MAPK14: variants seen among roughly 807,000 people sequenced by gnomAD.
MAPK14 encodes the protein mitogen-activated protein kinase 14.
A neutral mutation model predicts 49.6 loss-of-function variants in MAPK14; 16 were observed. That is an observed-to-expected ratio of 0.32 (90% CI 0.22 to 0.49). MAPK14 has a LOEUF of 0.49. Ranked by LOEUF, MAPK14 falls within the 20% of genes least tolerant of loss-of-function variation. The pLI is 0.99. For missense variants in MAPK14, 200 were observed against 441.2 expected (o/e 0.45, Z 4.90); for synonymous variants, 142 against 158.0 (o/e 0.90, Z 0.76).
Position 36,110,850 on chromosome 6 carries a change from C to T in MAPK14, c.*2403C>T, listed in dbSNP as rs141621815. On this transcript the variant is annotated 3_prime_UTR_variant, in exon 12 of 12. Coordinates refer to ENST00000229794, the MANE Select transcript of MAPK14 (RefSeq NM_139012.3). Reference sequence around the variant, plus strand: ...CAATATCCTTTAAACTGTGACCTGGCATACTTGTCTGACAGATCTTAATAC... The same window carrying T: ...CAATATCCTTTAAACTGTGACCTGGTATACTTGTCTGACAGATCTTAATAC... 1 of 152,212 alleles carries T rather than the reference C, an allele frequency of 6.6e-6. No individual in the cohort carries two copies. Among genetic ancestry groups the T allele is most frequent in the African/African-American group, 2.4e-5 (1 of 41,440 alleles). The allele number at this position is 152,212 out of a possible 1,614,324, so 9.4% of individuals were successfully genotyped here. A position where few individuals can be genotyped will look rare whatever the true frequency, so the allele number is the denominator to read the frequency against.
chr6:36,091,152 G>C (rs1765211905), intron 8 of MAPK14, among the ~76,000 whole-genome samples: 1 of 152,108 alleles, frequency 6.6e-6, no homozygotes, highest in Non-Finnish European at 1.5e-5. Flanking sequence ...TTTCTGGCCT[G>C]TGGAGGTTTT....
At chr6:36,034,897 C>CTTTTTTTTTTTT (rs200316205) in intron 1 of MAPK14, among the ~76,000 whole-genome samples, 1 of 121,040 alleles carries the variant, frequency 8.3e-6, no homozygotes, top group African/African-American at 3.2e-5. Flanking sequence ...TTCTTTCTTT[C>CTTTTTTTTTTTT]TTTTTTTTTT....
At chr6:36,094,699 T>TACC (rs1562147341) in intron 8 of MAPK14, among the ~76,000 whole-genome samples, 2 of 152,236 alleles carry the variant, frequency 1.3e-5, no homozygotes, top group Non-Finnish European at 2.9e-5. Flanking sequence ...ACCTGTCATG[T>TACC]ACCAGATGTT....
chr6:36,038,468 G>T (rs1286422801), intron 1 of MAPK14, among the ~76,000 whole-genome samples: 2 of 152,202 alleles, frequency 1.3e-5, no homozygotes, highest in African/African-American at 4.8e-5. Context: ...TTTCCTTTAA[G>T]TGAGAGGGGA....
chr6:36,092,867 C>T (rs56170325), intron 8 of MAPK14, among the ~76,000 whole-genome samples: 2,723 of 152,204 alleles, frequency 0.018, 66 homozygotes, highest in African/African-American at 0.056. Flanking sequence ...GTGGAAGGTG[C>T]TGGGGACAGG....
chr6:36,070,251 A>T (rs957291055), intron 3 of MAPK14, among the ~76,000 whole-genome samples: 1 of 152,210 alleles, frequency 6.6e-6, no homozygotes, highest in Non-Finnish European at 1.5e-5. Context: ...TAAATTTTGT[A>T]TCAGCTGAAA....
intron 3 of MAPK14, among the ~76,000 whole-genome samples, chr6:36,060,959 C>G (rs545549206): frequency 6.6e-6 from 1 of 152,256 alleles, no homozygotes; most frequent in South Asian, 2.1e-4. Flanking sequence ...AAAAATTGTT[C>G]TTCTCGCAGC....
intron 8 of MAPK14, 132 bp from the exon 9 acceptor site, chr6:36,095,855 C>T (rs1030684604): frequency 1.3e-5 from 8 of 607,926 alleles, no homozygotes; most frequent in African/African-American, 1.1e-4. Context: ...AGGGATTCAC[C>T]GTGTTGGCTA....
intron 8 of MAPK14, chr6:36,092,689 C>T (rs1765284728): frequency 3.0e-6 from 1 of 333,230 alleles, no homozygotes; most frequent in Non-Finnish European, 5.9e-6. Context: ...GAGAAGTTCA[C>T]CTCCAAAGTG....
At chr6:36,101,431 G>A (rs1226119270) in intron 9 of MAPK14, among the ~76,000 whole-genome samples, 1 of 152,058 alleles carries the variant, frequency 6.6e-6, no homozygotes, top group African/African-American at 2.4e-5. Context: ...AGCAGAGACT[G>A]TGTCTCTAAA....
At chr6:36,117,680 TAA>T in the MAPK14 span, among the ~76,000 whole-genome samples, 120 of 152,314 alleles carry the variant, frequency 7.9e-4, no homozygotes, top group African/African-American at 2.7e-3. Context: ...ATTGTACCAA[TAA>T]TAGAGAGTGG....
At chr6:36,111,634 G>A (rs532878015), downstream of MAPK14, among the ~76,000 whole-genome samples, 8 of 152,178 alleles carry the variant, frequency 5.3e-5, no homozygotes, top group East Asian at 3.9e-4. Flanking sequence ...AAAGAGCCAC[G>A]GGGTCTCACA....
At chr6:36,048,767 T>A (rs2127412909) in intron 1 of MAPK14, among the ~76,000 whole-genome samples, 1 of 152,342 alleles carries the variant, frequency 6.6e-6, no homozygotes, top group South Asian at 2.1e-4. Flanking sequence ...TTGAACTTGG[T>A]ACGCTTCAGG....
chr6:36,113,226 C>T (rs1766005480), downstream of MAPK14, among the ~76,000 whole-genome samples: 1 of 151,584 alleles, frequency 6.6e-6, no homozygotes, highest in Non-Finnish European at 1.5e-5. Context: ...CTTGTAGTCC[C>T]AGCTGCTTGG....
At position 36,028,791 on chromosome 6, in the gene MAPK14, C is replaced by CTTT. The variant is rs111234964; in HGVS notation, c.116+537_116+539dup. Among the ~76,000 whole-genome samples, 305 of 100,362 alleles carry CTTT rather than the reference C, an allele frequency of 3.0e-3. 2 individuals carry two copies. The highest frequency in any genetic ancestry group is 0.01 in the African/African-American group (281 of 27,626). The allele number at this position is 100,362 out of a possible 152,430, so 65.8% of individuals were successfully genotyped here. ...ACCAGGAAGGGAGCTCTCTCCGGGCCTTTTTTTTTTTTTTTTTTTTTCAAA... is the reference window on the plus strand; with the variant it reads ...ACCAGGAAGGGAGCTCTCTCCGGGCCTTTTTTTTTTTTTTTTTTTTTTTTCAAA... On this transcript the variant is annotated intron_variant, in intron 1 of 11. Transcript: ENST00000229794. The surrounding 1 kb of genome is among the most constrained non-coding windows in gnomAD (Gnocchi z 5.1).
intron 1 of MAPK14, among the ~76,000 whole-genome samples, chr6:36,035,952 G>A (rs1383188457): frequency 6.6e-6 from 1 of 152,120 alleles, no homozygotes; most frequent in East Asian, 1.9e-4. Flanking sequence ...GGCTGGGGGC[G>A]GTGGCTAACA....
the MAPK14 span, among the ~76,000 whole-genome samples, chr6:36,120,419 A>C: frequency 6.7e-6 from 1 of 148,728 alleles, no homozygotes; most frequent in Non-Finnish European, 1.5e-5. Flanking sequence ...CACCCTCAGC[A>C]CTTAGTCTAT....
intron 1 of MAPK14, among the ~76,000 whole-genome samples, chr6:36,050,742 A>G (rs1369665895): frequency 1.3e-5 from 2 of 152,234 alleles, no homozygotes; most frequent in Non-Finnish European, 1.5e-5. Flanking sequence ...AACGGCTGCC[A>G]AGGAAGACTC....
the MAPK14 span, among the ~76,000 whole-genome samples, chr6:36,123,336 C>T: frequency 6.6e-6 from 1 of 152,144 alleles, no homozygotes; most frequent in East Asian, 1.9e-4. Flanking sequence ...ATGCTAGGAC[C>T]TTGGGGGCCC....
Sources: allele counts gnomAD v4.1 joint callset (sites outside exome capture counted in the v4.1 genomes callset), GRCh38; gene constraint gnomAD v4.1.1; non-coding constraint Gnocchi (gnomAD v3.1); transcripts MANE v1.5; gene names NCBI Gene and HGNC (gene_info 2026-07-23, HGNC 2026-07-21).